Variants in DDX25 observed in about 807,000 individuals in gnomAD.
The protein encoded by DDX25 is ATP-dependent RNA helicase DDX25.
A neutral mutation model predicts 64.6 loss-of-function variants in DDX25; 70 were observed. That is an observed-to-expected ratio of 1.08 (90% CI 0.89 to 1.32). The LOEUF (loss-of-function observed/expected upper bound fraction) is 1.32. Ranked by LOEUF, DDX25 falls within the 40% of genes most tolerant of loss-of-function variation. The probability of loss-of-function intolerance (pLI) is 0.00; values close to 1 mark genes in which losing one functional copy is unlikely to be tolerated. For missense variants in DDX25, 587 were observed against 604.4 expected, an observed-to-expected ratio of 0.97 and a Z score of 0.30; for synonymous variants, 211 against 213.3, an observed-to-expected ratio of 0.99 and a Z score of 0.09.
intron 8 of DDX25, among the ~76,000 whole-genome samples, chr11:125,916,691 A>G (rs1259599182): frequency 6.6e-6 from 1 of 152,238 alleles, no homozygotes; most frequent in African/African-American, 2.4e-5. Context: ...TTATAACTAT[A>G]AAGAGCATCT....
chr11:125,903,903 C>G (rs891112024), upstream of DDX25, among the ~76,000 whole-genome samples: 6 of 152,166 alleles, frequency 3.9e-5, no homozygotes, highest in African/African-American at 1.4e-4. Context: ...AACAAGAGAC[C>G]ACATTTCAGA....
Position 125,919,091 on chromosome 11 carries a change from T to A in DDX25, c.1201+301T>A, listed in dbSNP as rs563238112. On this transcript the variant is annotated intron_variant, in intron 10 of 11. Coordinates refer to ENST00000263576, the MANE Select transcript of DDX25 (RefSeq NM_013264.5). ...CTTCCTCCACCTGACATAATGCTCG[T>A]AATAATACTAATGAATTTCATTAGT... Among the ~76,000 whole-genome samples, 26 of 152,292 alleles carry A rather than the reference T, an allele frequency of 1.7e-4. No individual in the cohort carries two copies. The South Asian group carries it at 5.4e-3, about 32-fold the overall frequency.
chr11:125,919,448 G>A (rs929466832), intron 10 of DDX25, among the ~76,000 whole-genome samples: 2 of 152,020 alleles, frequency 1.3e-5, no homozygotes, highest in Admixed American at 1.3e-4. Flanking sequence ...CTGTATACTG[G>A]GATCTCATTG....
intron 6 of DDX25, 106 bp downstream of exon 6, chr11:125,908,609 T>C: frequency 8.9e-7 from 1 of 1,120,762 alleles, no homozygotes; most frequent in Non-Finnish European, 1.3e-6. Context: ...TGATGAAATA[T>C]TTAGAAAAGA....
chr11:125,921,935 G>C lies in DDX25; in HGVS notation c.1390+556G>C, dbSNP rs523636. ...GATTTACATGTTATAACTCATTCTG[G>C]AGTCAGAATTTCACATCTTGTGAAG... is the stretch of plus-strand genomic sequence containing the variant. On this transcript the variant is annotated intron_variant, in intron 11 of 11. Transcript: ENST00000263576. The surrounding 1 kb of genome is among the most constrained non-coding windows in gnomAD (Gnocchi z 4.1). 23,069 of 152,390 alleles carry C rather than the reference G, an allele frequency of 0.15. 1,958 individuals are homozygous for C. Among genetic ancestry groups the C allele is most frequent in the Admixed American group, 0.25 (3,781 of 15,290 alleles). 9.4% of individuals were successfully genotyped at this position (152,390 alleles called of 1,614,324 possible).
chr11:125,918,943 C>G (rs1407140710), intron 10 of DDX25, among the ~76,000 whole-genome samples, 153 bp downstream of exon 10: 1 of 152,166 alleles, frequency 6.6e-6, no homozygotes, highest in Non-Finnish European at 1.5e-5. Context: ...CCAGTTTCCT[C>G]ACACTCCTTT....
rs1471508077 is a variant in DDX25 at position 125,928,330 on chromosome 11, G to C, written c.*5449G>C. On this transcript the variant is annotated 3_prime_UTR_variant, in exon 12 of 12. Coordinates refer to ENST00000263576, the MANE Select transcript of DDX25 (RefSeq NM_013264.5). ...ATATTTTCAAAATAATAATTGACCAGATTGTCCTATCTAGTGAATATGCAT... is the reference window on the plus strand; with the variant it reads ...ATATTTTCAAAATAATAATTGACCACATTGTCCTATCTAGTGAATATGCAT... The C allele has an allele frequency of 6.6e-6, 1 of 152,102 alleles. No homozygotes were observed. The highest frequency in any genetic ancestry group is 1.5e-5 in the Non-Finnish European group (1 of 68,028). The allele number at this position is 152,102 out of a possible 1,614,324, so 9.4% of individuals were successfully genotyped here.
At chr11:125,913,161 A>C (rs938706194) in intron 8 of DDX25, among the ~76,000 whole-genome samples, 2 of 151,740 alleles carry the variant, frequency 1.3e-5, no homozygotes, top group African/African-American at 4.8e-5. Flanking sequence ...CCATTTCAAA[A>C]AAAAAAAAAA....
At chr11:125,922,790 G>A (rs771356034) in intron 11 of DDX25, 30 bp from the exon 12 acceptor site, 2 of 1,583,252 alleles carry the variant, frequency 1.3e-6, no homozygotes, top group South Asian at 2.3e-5. Context: ...CCTGACATGA[G>A]ACTAGTTCTG....
intron 7 of DDX25, among the ~76,000 whole-genome samples, 170 bp from the exon 8 acceptor site, chr11:125,911,141 A>T (rs1409147206): frequency 6.6e-6 from 1 of 152,204 alleles, no homozygotes; most frequent in Non-Finnish European, 1.5e-5. Flanking sequence ...TCAGAAATTT[A>T]TCCTAAAAAT....
At position 125,923,020 on chromosome 11, in the gene DDX25, T is replaced by G; in HGVS notation, c.*139T>G. ...GCAAAATAAATGTCACGGTACTTAG[T>G]TTTAAGACATGAGGTCTTTTTGAAG... On this transcript the variant is annotated 3_prime_UTR_variant, in exon 12 of 12. Transcript: ENST00000263576. 1 of 715,542 alleles carries G rather than the reference T, an allele frequency of 1.4e-6. No homozygotes were observed. The allele number at this position is 715,542 out of a possible 1,614,324, so 44.3% of individuals were successfully genotyped here.
chr11:125,910,820 A>C (rs1054152871), intron 7 of DDX25, among the ~76,000 whole-genome samples: 7 of 152,244 alleles, frequency 4.6e-5, no homozygotes, highest in Non-Finnish European at 1.0e-4. Flanking sequence ...AAACTTTAAA[A>C]GACAAAAAGA....
At chr11:125,907,386 A>G (rs1160630725) in intron 4 of DDX25, among the ~76,000 whole-genome samples, 1 of 152,158 alleles carries the variant, frequency 6.6e-6, no homozygotes, top group Non-Finnish European at 1.5e-5. Flanking sequence ...AGGGGGGCGG[A>G]TCACGAGGTC....
rs1458869841 is a variant in DDX25 at position 125,923,415 on chromosome 11, G to T, written c.*534G>T. The T allele has an allele frequency of 6.6e-6, 1 of 152,286 alleles. No homozygotes were observed. The highest frequency in any genetic ancestry group is 1.5e-5 in the Non-Finnish European group (1 of 68,084). The allele number at this position is 152,286 out of a possible 1,614,324, so 9.4% of individuals were successfully genotyped here. A position where few individuals can be genotyped will look rare whatever the true frequency, so the allele number is the denominator to read the frequency against. On this transcript the variant is annotated 3_prime_UTR_variant, in exon 12 of 12. Coordinates refer to ENST00000263576, the MANE Select transcript of DDX25 (RefSeq NM_013264.5). Reference sequence around the variant, plus strand: ...TTTTAAAAAGTGAAACCATTTGAAAGAAAGAGTATTTTACTTCTTTAATGT... The same window carrying T: ...TTTTAAAAAGTGAAACCATTTGAAATAAAGAGTATTTTACTTCTTTAATGT...
In DDX25 at chr11:125,907,391, G is replaced by A. The variant is rs187257182; in HGVS notation, c.312-805G>A. On this transcript the variant is annotated intron_variant, in intron 4 of 11. Transcript: ENST00000263576. ...TGGGAGGCCAAGGGGGGCGGATCAC[G>A]AGGTCAGGAGATCGAGACCATCCTG... 2.2e-3 allele frequency among the ~76,000 whole-genome samples: 329 copies of A among 152,196 alleles called. 3 individuals carry two copies. The highest frequency in any genetic ancestry group is 7.4e-3 in the African/African-American group (307 of 41,526).
rs890742629 is a variant in DDX25, at chr11:125,928,032, G to A, written c.*5151G>A. ...ACTTCTAATTGTACCCTGTCTTAGC[G>A]TTCAGATGCATTGGTTCCTTCCCCA... On this transcript the variant is annotated 3_prime_UTR_variant, in exon 12 of 12. Coordinates refer to ENST00000263576, the MANE Select transcript of DDX25 (RefSeq NM_013264.5). 5 of 152,170 alleles carry A rather than the reference G, an allele frequency of 3.3e-5. No homozygotes were observed. The East Asian group carries it at 5.8e-4, about 18-fold the overall frequency. The allele number at this position is 152,170 out of a possible 1,614,324, so 9.4% of individuals were successfully genotyped here. A position where few individuals can be genotyped will look rare whatever the true frequency, so the allele number is the denominator to read the frequency against.
chr11:125,916,468 C>T (rs1460629745), intron 8 of DDX25, among the ~76,000 whole-genome samples: 1 of 152,188 alleles, frequency 6.6e-6, no homozygotes, highest in Non-Finnish European at 1.5e-5. Context: ...TGTTTTTTAA[C>T]TTTATGTGAA....
chr11:125,923,062 C>A lies in DDX25; in HGVS notation c.*181C>A. ...TTTTTGAAGCCAAATTGATGTGAAGCTTGTGATCCTTTTGAATAAAAAAAA... is the reference window on the plus strand; with the variant it reads ...TTTTTGAAGCCAAATTGATGTGAAGATTGTGATCCTTTTGAATAAAAAAAA... On this transcript the variant is annotated 3_prime_UTR_variant, in exon 12 of 12. Coordinates refer to ENST00000263576, the MANE Select transcript of DDX25 (RefSeq NM_013264.5). The A allele has an allele frequency of 1.8e-6, 1 of 562,904 alleles. No homozygotes were observed. Among genetic ancestry groups the A allele is most frequent in the Non-Finnish European group, 3.2e-6 (1 of 316,994 alleles). 34.9% of individuals were successfully genotyped at this position (562,904 alleles called of 1,614,324 possible). A position where few individuals can be genotyped will look rare whatever the true frequency, so the allele number is the denominator to read the frequency against.
intron 9 of DDX25, among the ~76,000 whole-genome samples, chr11:125,918,096 G>C (rs1395224969): frequency 6.6e-6 from 1 of 152,080 alleles, no homozygotes; most frequent in African/African-American, 2.4e-5. Context: ...GGCCAGGCTG[G>C]TCTCGAACTC....
Sources: gnomAD v4.1 joint callset for allele counts (sites outside exome capture counted in the v4.1 genomes callset) on GRCh38, gnomAD v4.1.1 for gene constraint, Gnocchi (gnomAD v3.1) non-coding constraint, MANE v1.5 for transcripts, NCBI Gene and HGNC (gene_info 2026-07-23, HGNC 2026-07-21) for gene names.